The following ADGRV1 variants were observed in gnomAD, a reference collection of about 807,000 sequenced individuals.
The protein encoded by ADGRV1 is adhesion G protein-coupled receptor V1, also known as G-protein coupled receptor 98.
ADGRV1 carries 359 observed loss-of-function variants against 596.2 expected under a neutral mutation model. That is an observed-to-expected ratio of 0.60 (90% confidence interval 0.55 to 0.66). The LOEUF (loss-of-function observed/expected upper bound fraction) is 0.66, where lower values mean the gene tolerates loss of function less well. Among genes scored for constraint, ADGRV1 ranks in the 30% least tolerant of loss-of-function variants. The pLI is 0.00. For synonymous variants in ADGRV1, 2,681 were observed against 2,679.2 expected (o/e 1.00, Z -0.02); for missense variants, 7,274 against 7,575.6 (o/e 0.96, Z 1.48).
chr5:90,888,920 T>A (rs1770544580), intron 83 of ADGRV1, among the ~76,000 whole-genome samples: 1 of 152,170 alleles, frequency 6.6e-6, no homozygotes, highest in African/African-American at 2.4e-5. Context: ...ACTATTTTTC[T>A]CATAGTAGAA....
intron 85 of ADGRV1, among the ~76,000 whole-genome samples, chr5:91,070,195 C>T (rs1788265084): frequency 6.6e-6 from 1 of 152,128 alleles, no homozygotes. Context: ...ATGTCCCAAA[C>T]CTTAGCATCA....
chr5:90,802,707 A>G, intron 70 of ADGRV1, 32 bp from the exon 71 acceptor site: 1 of 1,590,886 alleles, frequency 6.3e-7, no homozygotes, highest in Non-Finnish European at 8.6e-7. Context: ...TCTGAAAATT[A>G]TTTCTAAATC....
At position 90,778,454 on chromosome 5, in the gene ADGRV1, A is replaced by C. The variant is rs1376052842; in HGVS notation, c.12694A>C (p.Lys4232Gln). Reference protein sequence around the residue: ...QALNDDIPEEKSFYEFQLTAV... With the variant: ...QALNDDIPEEQSFYEFQLTAV... ...TTTGAACGATGACATTCCCGAGGAA[A>C]AAAGCTTCTATGAGTTTCAGCTCAC... is the stretch of plus-strand genomic sequence containing the variant. Residue 4232 changes from lysine to glutamine, a missense_variant, in exon 63 of 90, where the codon AAA becomes CAA. Transcript: ENST00000405460. 6.2e-7 allele frequency: 1 copy of C among 1,613,020 alleles called. No individual in the cohort carries two copies. Among genetic ancestry groups the C allele is most frequent in the Admixed American group, 1.7e-5 (1 of 59,894 alleles).
chr5:90,619,887 T>C (rs975647216), intron 4 of ADGRV1, among the ~76,000 whole-genome samples: 1 of 151,942 alleles, frequency 6.6e-6, no homozygotes, highest in Non-Finnish European at 1.5e-5. Flanking sequence ...TTGCTGAGAA[T>C]GATGGTTTCC....
chr5:91,141,332 C>T (rs1795079982), intron 87 of ADGRV1, among the ~76,000 whole-genome samples: 1 of 152,034 alleles, frequency 6.6e-6, no homozygotes, highest in African/African-American at 2.4e-5. Flanking sequence ...TTTGACAAAC[C>T]CATGGTGAAT....
At chr5:90,863,572 G>A (rs1428687075) in intron 82 of ADGRV1, among the ~76,000 whole-genome samples, 185 bp from the exon 83 acceptor site, 2 of 152,206 alleles carry the variant, frequency 1.3e-5, no homozygotes, top group Admixed American at 6.5e-5. Flanking sequence ...ACTGGTAAGT[G>A]TAAAGATCTT....
At chr5:90,717,001 T>C (rs1750201242) in intron 43 of ADGRV1, 2 of 238,580 alleles carry the variant, frequency 8.4e-6, no homozygotes, top group Non-Finnish European at 1.6e-5. Flanking sequence ...TTTCAGCACA[T>C]TTAAATTGCA....
intron 22 of ADGRV1, among the ~76,000 whole-genome samples, chr5:90,673,107 A>C (rs969418578): frequency 2.0e-5 from 3 of 152,226 alleles, no homozygotes; most frequent in Non-Finnish European, 4.4e-5. Context: ...TTTTGAATTA[A>C]ATTTTGTAGA....
chr5:91,101,758 A>T (rs1791392887), intron 86 of ADGRV1, among the ~76,000 whole-genome samples: 1 of 150,514 alleles, frequency 6.6e-6, no homozygotes, highest in Admixed American at 6.6e-5. Context: ...ATGTGAGTAC[A>T]GGTTTTTCCA....
At chr5:90,813,412 A>G (rs1762634261) in intron 74 of ADGRV1, among the ~76,000 whole-genome samples, 1 of 152,048 alleles carries the variant, frequency 6.6e-6, no homozygotes, top group African/African-American at 2.4e-5. Context: ...GGGGCTCAGG[A>G]TAGAAGTTAG....
At chr5:91,023,399 A>T (rs2151194408) in intron 85 of ADGRV1, among the ~76,000 whole-genome samples, 1 of 152,288 alleles carries the variant, frequency 6.6e-6, no homozygotes, top group East Asian at 1.9e-4. Flanking sequence ...AGGTGAGGTG[A>T]TAAAGTGGGA....
At chr5:90,570,222 C>T (rs1756343213) in intron 1 of ADGRV1, among the ~76,000 whole-genome samples, 1 of 152,050 alleles carries the variant, frequency 6.6e-6, no homozygotes, top group East Asian at 1.9e-4. Context: ...ATATAGTATC[C>T]TTGGTTTATT....
chr5:91,000,305 C>G (rs2151103655), intron 85 of ADGRV1, among the ~76,000 whole-genome samples: 1 of 152,104 alleles, frequency 6.6e-6, no homozygotes, highest in East Asian at 1.9e-4. Flanking sequence ...ACATGTTTAC[C>G]TTTCCTCAGC....
chr5:91,105,925 A>T (rs1791824893), intron 87 of ADGRV1, among the ~76,000 whole-genome samples: 1 of 150,894 alleles, frequency 6.6e-6, no homozygotes, highest in Non-Finnish European at 1.5e-5. Flanking sequence ...TTATAAATAG[A>T]TTCTTATTAT....
intron 86 of ADGRV1, among the ~76,000 whole-genome samples, chr5:91,090,175 C>T (rs978746552): frequency 6.6e-6 from 1 of 152,240 alleles, no homozygotes; most frequent in South Asian, 2.1e-4. Context: ...GAAAACAGAG[C>T]ACTTAACCTT....
chr5:90,610,315 G>A (rs1248350229), intron 1 of ADGRV1, among the ~76,000 whole-genome samples: 10 of 151,908 alleles, frequency 6.6e-5, no homozygotes, highest in African/African-American at 2.4e-4. Context: ...TTTTAAACAG[G>A]AACAATAAAG....
intron 86 of ADGRV1, among the ~76,000 whole-genome samples, chr5:91,092,943 T>C (rs563634228): frequency 6.6e-6 from 1 of 152,276 alleles, no homozygotes; most frequent in East Asian, 1.9e-4. Context: ...TGCTGAGTGC[T>C]TTGTGTGCAT....
At chr5:90,565,745 A>AT (rs1201737239) in intron 1 of ADGRV1, among the ~76,000 whole-genome samples, 3 of 151,980 alleles carry the variant, frequency 2.0e-5, no homozygotes, top group Non-Finnish European at 4.4e-5. Context: ...CCTGTGCTTC[A>AT]TTTTTTGAAG....
At chr5:90,757,816 TG>T (rs1396612590) in intron 57 of ADGRV1, among the ~76,000 whole-genome samples, 7 of 152,176 alleles carry the variant, frequency 4.6e-5, no homozygotes, top group Middle Eastern at 3.2e-3. Context: ...AAAAGGCATA[TG>T]AACAACCATG....
Sources: allele counts gnomAD v4.1 joint callset (sites outside exome capture counted in the v4.1 genomes callset), GRCh38; gene constraint gnomAD v4.1.1; transcripts MANE v1.5; gene names NCBI Gene and HGNC (gene_info 2026-07-23, HGNC 2026-07-21).